SOX5: variants seen among roughly 807,000 people sequenced by gnomAD.
The protein encoded by SOX5 is transcription factor SOX-5.
A neutral mutation model predicts 92.0 loss-of-function variants in SOX5; 9 were observed. That is an observed-to-expected ratio of 0.10 (90% CI 0.06 to 0.17). The LOEUF (loss-of-function observed/expected upper bound fraction) is 0.17. SOX5 is among the 10% of genes least tolerant of loss of function. SOX5 has a pLI of 1.00. For synonymous variants in SOX5, 344 were observed against 336.3 expected (o/e 1.02, Z -0.25); for missense variants, 642 against 944.5 (o/e 0.68, Z 4.20).
rs1568223658 is a variant in SOX5, at chr12:23,838,847, G to GGC, written c.481+7135_481+7136insGC. On this transcript the variant is annotated intron_variant, in intron 3 of 14. Coordinates refer to ENST00000451604, the MANE Select transcript of SOX5 (RefSeq NM_006940.6). Reference sequence around the variant, plus strand: ...TTCCCAGTAGTTCTTTTTTTTTGGGGGGGGGGGGCGGGGATGGAGTCTCGC... The same window carrying GGC: ...TTCCCAGTAGTTCTTTTTTTTTGGGGGCGGGGGGGGCGGGGATGGAGTCTCGC... Among the ~76,000 whole-genome samples the GGC allele has an allele frequency of 8.5e-5, 5 of 58,736 alleles. 1 individual carries two copies. Among genetic ancestry groups the GGC allele is most frequent in the Non-Finnish European group, 1.3e-4 (3 of 22,584 alleles). 38.5% of individuals were successfully genotyped at this position (58,736 alleles called of 152,430 possible).
At chr12:23,863,093 G>A (rs1199271562) in intron 2 of SOX5, among the ~76,000 whole-genome samples, 1 of 152,122 alleles carries the variant, frequency 6.6e-6, no homozygotes, top group East Asian at 1.9e-4. Context: ...TCACTTGGGG[G>A]TCAATCCCAA....
intron 5 of SOX5, among the ~76,000 whole-genome samples, chr12:23,735,272 T>C (rs2093547495): frequency 6.6e-6 from 1 of 151,988 alleles, no homozygotes; most frequent in African/African-American, 2.4e-5. Context: ...CATGCTATTG[T>C]GGTTTCTGTT....
intron 3 of SOX5, among the ~76,000 whole-genome samples, chr12:24,260,560 G>A (rs1941941165): frequency 3.3e-5 from 5 of 152,070 alleles, no homozygotes; most frequent in Admixed American, 2.0e-4. Context: ...GATTTAGGGT[G>A]GTTACTTTTC....
rs752362418 is a variant in SOX5 at position 23,536,512 on chromosome 12, A to C, written c.1929T>G (p.Gly643=). 5 of 1,614,174 alleles carry C rather than the reference A, an allele frequency of 3.1e-6. No individual in the cohort carries two copies. The Admixed American group carries it at 8.3e-5, about 27-fold the overall frequency. Residue 643 remains glycine, a synonymous_variant, in exon 14 of 15, where the codon GGT becomes GGG. Coordinates refer to ENST00000451604, the MANE Select transcript of SOX5 (RefSeq NM_006940.6). ...CLVDGKKLRI[G]EYKAIMRNRR... is the part of the protein sequence containing the mutation. ...TGTTGCGCATGATTGCCTTGTATTC[A>C]CCAATGCGCAGCTTTTTGCCATCCA... is the stretch of plus-strand genomic sequence containing the variant.
chr12:24,382,280 G>A (rs901958670), intron 1 of SOX5, among the ~76,000 whole-genome samples: 14 of 152,250 alleles, frequency 9.2e-5, no homozygotes, highest in East Asian at 1.9e-4. Context: ...TGAGTCACGC[G>A]GTTAACAGAG....
At chr12:23,581,098 G>C (rs533964045) in intron 9 of SOX5, among the ~76,000 whole-genome samples, 4 of 152,004 alleles carry the variant, frequency 2.6e-5, no homozygotes, top group African/African-American at 7.2e-5. Flanking sequence ...AAATGATTTA[G>C]AGAAATCAAA....
chr12:23,569,739 G>A (rs1334232242), intron 10 of SOX5, among the ~76,000 whole-genome samples: 1 of 152,146 alleles, frequency 6.6e-6, no homozygotes, highest in African/African-American at 2.4e-5. Context: ...TGGTGTGTTG[G>A]TGAATTTATT....
chr12:23,966,203 C>CGAAAAAAAA (rs1947546017), intron 4 of SOX5, among the ~76,000 whole-genome samples: 1 of 57,308 alleles, frequency 1.7e-5, no homozygotes, highest in East Asian at 4.5e-4. Flanking sequence ...ACTCAATATC[C>CGAAAAAAAA]AAAAAAAAAA....
At chr12:23,641,166 TCAGAGGGCTG>T (rs1487937681) in intron 7 of SOX5, among the ~76,000 whole-genome samples, 4 of 152,032 alleles carry the variant, frequency 2.6e-5, no homozygotes, top group Non-Finnish European at 5.9e-5. Context: ...TGAGCATTGA[TCAGAGGGCTG>T]CACTTGATAA....
intron 4 of SOX5, among the ~76,000 whole-genome samples, chr12:24,178,185 T>A (rs547114476): frequency 2.4e-4 from 36 of 150,764 alleles, no homozygotes; most frequent in African/African-American, 8.8e-4. Context: ...TGAGATCCCA[T>A]CGGCCAACTT....
rs1592130379 is a variant in SOX5 at position 23,567,105 on chromosome 12, T to A, written c.1343-3702A>T. On this transcript the variant is annotated intron_variant, in intron 10 of 14. Coordinates refer to ENST00000451604, the MANE Select transcript of SOX5 (RefSeq NM_006940.6). ...GCACTCTTATTAACATGGCTTTGAC[T>A]ATCATGATGAAATCTGTGAGGGGAT... Among the ~76,000 whole-genome samples the A allele has an allele frequency of 3.3e-5, 5 of 152,376 alleles. No individual in the cohort carries two copies. In the Middle Eastern group the frequency reaches 0.017, roughly 518 times the overall value.
chr12:23,947,366 T>C (rs754051557), intron 1 of SOX5, among the ~76,000 whole-genome samples: 5 of 151,876 alleles, frequency 3.3e-5, no homozygotes, highest in Non-Finnish European at 7.4e-5. Flanking sequence ...AAAATCTAAT[T>C]ATATGTGATA....
upstream of SOX5, among the ~76,000 whole-genome samples, chr12:23,955,472 G>C (rs150330253): frequency 6.6e-6 from 1 of 152,092 alleles, no homozygotes; most frequent in Admixed American, 6.5e-5. Context: ...CACAATCTCA[G>C]GTAAAACCCA....
chr12:24,551,816 T>A (rs7308618), intron 1 of SOX5, among the ~76,000 whole-genome samples: 47,186 of 152,076 alleles, frequency 0.31, 8,811 homozygotes, highest in East Asian at 0.81. Context: ...CTACTCTTTC[T>A]CCCCTTCTCT....
chr12:23,854,268 C>T (rs2096664621), intron 2 of SOX5, among the ~76,000 whole-genome samples: 1 of 152,074 alleles, frequency 6.6e-6, no homozygotes, highest in Admixed American at 6.6e-5. Flanking sequence ...CTGCTTATAA[C>T]TGGAAACTGA....
intron 3 of SOX5, among the ~76,000 whole-genome samples, chr12:23,778,881 C>A (rs2095192194): frequency 6.6e-6 from 1 of 152,118 alleles, no homozygotes; most frequent in Admixed American, 6.5e-5. Flanking sequence ...GCCTCAGAAG[C>A]TAGAGTACTG....
chr12:24,555,704 CAA>C (rs1278293543), intron 1 of SOX5, among the ~76,000 whole-genome samples: 1 of 152,092 alleles, frequency 6.6e-6, no homozygotes, highest in Non-Finnish European at 1.5e-5. Context: ...ACTCAAAACT[CAA>C]AGAGACCTCA....
chr12:24,533,918 A>G (rs1481345881), intron 1 of SOX5, among the ~76,000 whole-genome samples: 18 of 152,234 alleles, frequency 1.2e-4, no homozygotes, highest in Admixed American at 1.2e-3. Context: ...GTGAATGTAT[A>G]TTATGAATAA....
In SOX5 at chr12:23,534,427, T is replaced by G. The variant is rs959159102; in HGVS notation, c.2084A>C (p.His695Pro). 1 of 1,614,018 alleles carries G rather than the reference T, an allele frequency of 6.2e-7. No individual in the cohort carries two copies. Among genetic ancestry groups the G allele is most frequent in the Non-Finnish European group, 8.5e-7 (1 of 1,179,982 alleles). The part of the protein sequence containing the change: ...GMPSPHLPSE[H>P]SSVSSSPEPG... Reference sequence around the variant, plus strand: ...CTCTGGGCTGCTAGACACGCTTGAGTGCTCCGAGGGCAGGTGAGGGGAGGG... The same window carrying G: ...CTCTGGGCTGCTAGACACGCTTGAGGGCTCCGAGGGCAGGTGAGGGGAGGG... Residue 695 changes from histidine (H) to proline (P), a missense_variant, in exon 15 of 15, where the codon CAC (histidine) becomes CCC (proline). By Grantham distance (77) the His-to-Pro change is moderately conservative. Transcript: ENST00000451604.
Sources: gnomAD v4.1 joint callset for allele counts (sites outside exome capture counted in the v4.1 genomes callset) on GRCh38, gnomAD v4.1.1 for gene constraint, MANE v1.5 for transcripts, NCBI Gene and HGNC (gene_info 2026-07-23, HGNC 2026-07-21) for gene names.